RTTN: variants seen among roughly 807,000 people sequenced by gnomAD.
RTTN encodes rotatin.
A neutral mutation model predicts 269.2 loss-of-function variants in RTTN; 182 were observed. The ratio of observed to expected loss-of-function variants is 0.68; its 90% CI spans 0.60 to 0.76. RTTN has a LOEUF of 0.76. Among genes scored for constraint, RTTN ranks in the 30% least tolerant of loss-of-function variants. The probability of loss-of-function intolerance (pLI) is 0.00; values close to 1 mark genes in which losing one functional copy is unlikely to be tolerated. For synonymous variants in RTTN, 1,006 were observed against 963.5 expected, an observed-to-expected ratio of 1.04 and a Z score of -0.82; for missense variants, 2,545 against 2,608.6, an observed-to-expected ratio of 0.98 and a Z score of 0.53.
At chr18:70,058,192 A>T (rs1375978034) in intron 36 of RTTN, among the ~76,000 whole-genome samples, 1 of 152,228 alleles carries the variant, frequency 6.6e-6, no homozygotes, top group Non-Finnish European at 1.5e-5. Context: ...TAGCAAGAAC[A>T]CTGTTCATAT....
At chr18:70,029,540 T>G (rs1357411155) in intron 42 of RTTN, among the ~76,000 whole-genome samples, 3 of 152,082 alleles carry the variant, frequency 2.0e-5, no homozygotes, top group Non-Finnish European at 4.4e-5. Flanking sequence ...CACCCAGATT[T>G]GGGGCAAATA....
intron 10 of RTTN, among the ~76,000 whole-genome samples, chr18:70,184,891 A>G (rs1304498735): frequency 6.6e-6 from 1 of 151,592 alleles, no homozygotes; most frequent in African/African-American, 2.4e-5. Flanking sequence ...CGAGGACTAC[A>G]TATCAGAAAA....
Position 70,075,431 on chromosome 18 carries a change from C to T in RTTN, c.4485G>A (p.Lys1495=). Residue 1495 remains lysine, a synonymous_variant, in exon 33 of 49, where the codon AAG becomes AAA. Coordinates refer to ENST00000640769, the MANE Select transcript of RTTN (RefSeq NM_173630.4). ...ACATACACCGTCCTAGGTAACAATG[C>T]TTTACCATCTGATTCAAATGTTCAT... ...HFYEHLNQMV[K]HCYLGRCMFD... is the part of the protein sequence containing the mutation. 6.2e-7 allele frequency: 1 copy of T among 1,608,082 alleles called. No individual in the cohort carries two copies. Among genetic ancestry groups the T allele is most frequent in the Non-Finnish European group, 8.5e-7 (1 of 1,177,500 alleles).
chr18:70,110,826 G>A (rs2059445409), intron 27 of RTTN, among the ~76,000 whole-genome samples: 1 of 152,236 alleles, frequency 6.6e-6, no homozygotes, highest in South Asian at 2.1e-4. Context: ...AATTCTCGTT[G>A]CCAGCACAGC....
chr18:70,151,581 C>T (rs1418185785), intron 14 of RTTN, among the ~76,000 whole-genome samples: 1 of 152,028 alleles, frequency 6.6e-6, no homozygotes, highest in Non-Finnish European at 1.5e-5. Flanking sequence ...TATGTATTTG[C>T]ATACATTATT....
chr18:70,028,703 T>C, intron 43 of RTTN, 21 bp downstream of exon 43: 8 of 1,523,992 alleles, frequency 5.2e-6, no homozygotes, highest in Non-Finnish European at 7.2e-6. Context: ...TATTAAAATT[T>C]TGAAAAGTAG....
chr18:70,189,186 T>C (rs553223976), intron 9 of RTTN, among the ~76,000 whole-genome samples: 1 of 152,366 alleles, frequency 6.6e-6, no homozygotes, highest in East Asian at 1.9e-4. Flanking sequence ...TACTTTATGA[T>C]GCCAAAGTTC....
At chr18:70,103,331 G>A (rs1312865666) in intron 28 of RTTN, among the ~76,000 whole-genome samples, 1 of 151,876 alleles carries the variant, frequency 6.6e-6, no homozygotes, top group Non-Finnish European at 1.5e-5. Flanking sequence ...GGAAATGTGG[G>A]GAAAAGAAAG....
At chr18:70,031,549 A>G (rs2057013136) in intron 40 of RTTN, 1 of 391,804 alleles carries the variant, frequency 2.6e-6, no homozygotes, top group Non-Finnish European at 4.5e-6. Flanking sequence ...TAATTCCGAA[A>G]CTACTATTTC....
chr18:70,068,184 T>C (rs919608390), intron 34 of RTTN, among the ~76,000 whole-genome samples: 3 of 152,230 alleles, frequency 2.0e-5, no homozygotes, highest in Non-Finnish European at 4.4e-5. Flanking sequence ...ATCGATAGTA[T>C]TTGGTTACAT....
chr18:70,088,741 A>G (rs2058765864), intron 30 of RTTN, among the ~76,000 whole-genome samples: 1 of 152,196 alleles, frequency 6.6e-6, no homozygotes, highest in Admixed American at 6.5e-5. Flanking sequence ...AGTTTCAATG[A>G]CAGCTATAGA....
intron 32 of RTTN, among the ~76,000 whole-genome samples, chr18:70,081,739 T>C (rs576172665): frequency 2.0e-5 from 3 of 152,338 alleles, no homozygotes; most frequent in Admixed American, 6.5e-5. Flanking sequence ...ATGCAATGTG[T>C]ATTCCTGAGC....
chr18:70,092,472 T>C (rs1330916324), intron 29 of RTTN, among the ~76,000 whole-genome samples: 13 of 152,220 alleles, frequency 8.5e-5, no homozygotes, highest in Non-Finnish European at 2.9e-5. Context: ...TGTATGCACA[T>C]TTGAATCAAT....
intron 28 of RTTN, among the ~76,000 whole-genome samples, chr18:70,093,360 G>A (rs2145252576): frequency 6.6e-6 from 1 of 151,998 alleles, no homozygotes; most frequent in East Asian, 1.9e-4. Flanking sequence ...CTTTTAAAGA[G>A]TTTATGAATA....
chr18:70,153,291 A>T (rs572051002), intron 14 of RTTN, among the ~76,000 whole-genome samples: 1 of 152,034 alleles, frequency 6.6e-6, no homozygotes, highest in Non-Finnish European at 1.5e-5. Context: ...AACTATATAT[A>T]CATATATACA....
chr18:70,150,403 G>T (rs1378820171), intron 15 of RTTN, among the ~76,000 whole-genome samples: 1 of 152,054 alleles, frequency 6.6e-6, no homozygotes, highest in African/African-American at 2.4e-5. Context: ...TGAATTTTTT[G>T]AAATCAAGTG....
chr18:70,090,286 AACT>A (rs1296735774), intron 30 of RTTN, among the ~76,000 whole-genome samples: 2 of 151,558 alleles, frequency 1.3e-5, no homozygotes, highest in Non-Finnish European at 2.9e-5. Context: ...TGAGCCCTAT[AACT>A]ACTATGTTTT....
At chr18:70,174,058 T>G (rs1266191620) in intron 11 of RTTN, among the ~76,000 whole-genome samples, 1 of 151,956 alleles carries the variant, frequency 6.6e-6, no homozygotes, top group Non-Finnish European at 1.5e-5. Flanking sequence ...TATTTTCTGT[T>G]ATGGGGGTGG....
intron 26 of RTTN, among the ~76,000 whole-genome samples, chr18:70,115,887 A>T (rs2059592146): frequency 6.6e-6 from 1 of 152,036 alleles, no homozygotes; most frequent in African/African-American, 2.4e-5. Context: ...GTATATAGAG[A>T]TATATACAAT....
Sources: gnomAD v4.1 joint callset for allele counts (sites outside exome capture counted in the v4.1 genomes callset) on GRCh38, gnomAD v4.1.1 for gene constraint, MANE v1.5 for transcripts, NCBI Gene and HGNC (gene_info 2026-07-23, HGNC 2026-07-21) for gene names.